SUMF1: variants seen among roughly 807,000 people sequenced by gnomAD.
The protein encoded by SUMF1 is sulfatase modifying factor 1.
In SUMF1, 48 loss-of-function variants were observed where a neutral mutation model predicts 47.6. The ratio of observed to expected loss-of-function variants is 1.01; its 90% CI spans 0.80 to 1.28. The LOEUF is 1.28. SUMF1 is among the 50% of genes most tolerant of loss of function. The probability of loss-of-function intolerance (pLI) is 0.00; values close to 1 mark genes in which losing one functional copy is unlikely to be tolerated. For synonymous variants in SUMF1, 230 were observed against 192.1 expected (o/e 1.20, Z -1.63); for missense variants, 571 against 485.4 (o/e 1.18, Z -1.66).
intron 8 of SUMF1, among the ~76,000 whole-genome samples, chr3:4,130,667 C>T (rs1559495740): frequency 4.0e-5 from 6 of 151,888 alleles, no homozygotes. Context: ...GTTGAGATAT[C>T]CCCTCTAGGA....
chr3:4,460,785 C>T (rs1469418477), intron 1 of SUMF1, among the ~76,000 whole-genome samples: 1 of 151,890 alleles, frequency 6.6e-6, no homozygotes, highest in Non-Finnish European at 1.5e-5. Context: ...AGCCTCTACG[C>T]AGCTGGCACT....
At chr3:4,207,394 T>C (rs1695677095) in intron 8 of SUMF1, among the ~76,000 whole-genome samples, 1 of 152,174 alleles carries the variant, frequency 6.6e-6, no homozygotes, top group Non-Finnish European at 1.5e-5. Flanking sequence ...AAGAGACATT[T>C]TTGTATCCTT....
At chr3:4,313,716 C>T in intron 8 of SUMF1, 1 of 1,614,046 alleles carries the variant, frequency 6.2e-7, no homozygotes, top group Non-Finnish European at 8.5e-7. Flanking sequence ...GCATGTGTGG[C>T]TCAGCCCCTT....
At position 4,187,915 on chromosome 3, in the gene SUMF1, C is replaced by T. The variant is rs143758344; in HGVS notation, c.1015-119170G>A. On this transcript the variant is annotated intron_variant and NMD_transcript_variant, in intron 8 of 12. Coordinates refer to the SUMF1 transcript ENST00000448413. The stretch of plus-strand genomic sequence containing the variant: ...TTAACATGCACTTCATTGTGATAGC[C>T]CAATGTTACTGTTTCGTAATGACAT... 1.3e-3 allele frequency among the ~76,000 whole-genome samples: 201 copies of T among 152,164 alleles called. 2 individuals carry two copies. Among genetic ancestry groups the T allele is most frequent in the Non-Finnish European group, 1.8e-3 (120 of 68,004 alleles).
chr3:4,056,055 C>T lies in SUMF1; in HGVS notation c.1191+12514G>A, dbSNP rs114063765. Among the ~76,000 whole-genome samples, 595 of 152,206 alleles carry T rather than the reference C, an allele frequency of 3.9e-3. 7 individuals carry two copies. Among genetic ancestry groups the T allele is most frequent in the African/African-American group, 0.013 (541 of 41,544 alleles). ...TAAAGACCCTTGTGATTACATTGGG[C>T]CCACCCAGATAATCCAGGATACTCT... On this transcript the variant is annotated intron_variant and NMD_transcript_variant, in intron 9 of 12. Coordinates refer to the SUMF1 transcript ENST00000448413.
intron 8 of SUMF1, among the ~76,000 whole-genome samples, chr3:4,232,376 C>A (rs1696319675): frequency 6.6e-6 from 1 of 152,112 alleles, no homozygotes; most frequent in African/African-American, 2.4e-5. Flanking sequence ...TTAAATCACT[C>A]AGTCAAGATT....
At chr3:4,322,969 A>G (rs1698867982) in intron 8 of SUMF1, among the ~76,000 whole-genome samples, 1 of 152,220 alleles carries the variant, frequency 6.6e-6, no homozygotes, top group Admixed American at 6.5e-5. Flanking sequence ...ACAACAAAAA[A>G]GTGGACACAA....
chr3:4,390,812 G>A (rs1700838059), intron 7 of SUMF1, among the ~76,000 whole-genome samples: 2 of 152,066 alleles, frequency 1.3e-5, no homozygotes, highest in South Asian at 2.1e-4. Flanking sequence ...TGAACTCCTG[G>A]GCTCACCATA....
At chr3:4,329,867 G>A (rs1486448206) in intron 8 of SUMF1, among the ~76,000 whole-genome samples, 1 of 151,532 alleles carries the variant, frequency 6.6e-6, no homozygotes, top group African/African-American at 2.4e-5. Context: ...ATAATTTTGT[G>A]AATATATAAA....
chr3:4,042,078 G>C (rs555441278), intron 9 of SUMF1, among the ~76,000 whole-genome samples: 6 of 152,252 alleles, frequency 3.9e-5, no homozygotes, highest in African/African-American at 1.4e-4. Flanking sequence ...TCTTAACCTG[G>C]TAACTTTTAG....
chr3:4,166,962 G>T (rs1353482343), intron 8 of SUMF1, among the ~76,000 whole-genome samples: 1 of 152,036 alleles, frequency 6.6e-6, no homozygotes, highest in South Asian at 2.1e-4. Flanking sequence ...CTTTTAACTG[G>T]CCAACAGGTG....
At chr3:4,083,351 C>A (rs1321834625) in intron 8 of SUMF1, among the ~76,000 whole-genome samples, 1 of 152,074 alleles carries the variant, frequency 6.6e-6, no homozygotes, top group Non-Finnish European at 1.5e-5. Context: ...CTGAAGGCAG[C>A]AAAAGTTCAG....
At chr3:4,341,800 C>T (rs1028175346) in intron 8 of SUMF1, among the ~76,000 whole-genome samples, 1 of 152,118 alleles carries the variant, frequency 6.6e-6, no homozygotes, top group Non-Finnish European at 1.5e-5. Context: ...AGACTTCTTG[C>T]CTTGCTCACC....
At chr3:4,131,689 T>A (rs185237737) in intron 8 of SUMF1, among the ~76,000 whole-genome samples, 1 of 152,068 alleles carries the variant, frequency 6.6e-6, no homozygotes, top group Non-Finnish European at 1.5e-5. Context: ...ACAAAGAAAT[T>A]TGGGGAAGAG....
At chr3:4,411,865 T>G (rs949865256) in intron 6 of SUMF1, among the ~76,000 whole-genome samples, 14 of 152,170 alleles carry the variant, frequency 9.2e-5, no homozygotes, top group African/African-American at 3.1e-4. Context: ...GTATATCAAG[T>G]AATCCTTGGG....
At chr3:4,319,209 A>C (rs766284015) in intron 8 of SUMF1, among the ~76,000 whole-genome samples, 1 of 152,246 alleles carries the variant, frequency 6.6e-6, no homozygotes, top group Non-Finnish European at 1.5e-5. Flanking sequence ...GGCTCTTAAA[A>C]GAGCTAGGCA....
intron 8 of SUMF1, chr3:4,313,779 T>C (rs1395348574): frequency 2.5e-6 from 4 of 1,613,594 alleles, no homozygotes; most frequent in Non-Finnish European, 3.4e-6. Context: ...TGTTCAGTGA[T>C]AAGCAGCTTG....
At chr3:4,246,400 G>GTTTGTT (rs200390214) in intron 8 of SUMF1, among the ~76,000 whole-genome samples, 1 of 151,708 alleles carries the variant, frequency 6.6e-6, no homozygotes, top group African/African-American at 2.4e-5. Flanking sequence ...TGGAGTTTTT[G>GTTTGTT]TTTGTTTTTG....
intron 8 of SUMF1, among the ~76,000 whole-genome samples, chr3:4,070,896 G>A (rs185817382): frequency 6.6e-6 from 1 of 152,202 alleles, no homozygotes; most frequent in East Asian, 1.9e-4. Flanking sequence ...CTCCCAAAGT[G>A]CTGGGATTAC....
Sources: allele counts gnomAD v4.1 joint callset (sites outside exome capture counted in the v4.1 genomes callset), GRCh38; gene constraint gnomAD v4.1.1; transcripts MANE v1.5; gene names NCBI Gene and HGNC (gene_info 2026-07-23, HGNC 2026-07-21).